The following PAPPA2 variants were observed in gnomAD, a reference collection of about 807,000 sequenced individuals.
PAPPA2 encodes pappalysin 2, also known as pappalysin-2.
In PAPPA2, 86 loss-of-function variants were observed where a neutral mutation model predicts 176.4. The observed-to-expected ratio is 0.49, with a 90% CI of 0.41 to 0.58. The LOEUF is 0.58. Among genes scored for constraint, PAPPA2 ranks in the 20% least tolerant of loss-of-function variants. The probability of loss-of-function intolerance (pLI) is 0.00; values close to 1 mark genes in which losing one functional copy is unlikely to be tolerated. For missense variants in PAPPA2, 2,073 were observed against 2,256.9 expected, an observed-to-expected ratio of 0.92 and a Z score of 1.65; for synonymous variants, 809 against 852.2, an observed-to-expected ratio of 0.95 and a Z score of 0.88.
intron 10 of PAPPA2, among the ~76,000 whole-genome samples, chr1:176,708,529 G>GGAGAGAGAGA (rs1177495946): frequency 1.4e-5 from 1 of 71,670 alleles, no homozygotes; most frequent in African/African-American, 4.4e-5. Flanking sequence ...ATACGTACAT[G>GGAGAGAGAGA]TAGAGAGAGA....
chr1:176,508,586 TAA>T (rs372014749), intron 1 of PAPPA2, among the ~76,000 whole-genome samples: 11,981 of 147,192 alleles, frequency 0.081, 583 homozygotes, highest in South Asian at 0.16. Flanking sequence ...GGAAAAAAAG[TAA>T]AAAAAAAAAT....
intron 3 of PAPPA2, among the ~76,000 whole-genome samples, chr1:176,665,276 C>T (rs1256446109): frequency 1.3e-5 from 2 of 152,100 alleles, no homozygotes; most frequent in Non-Finnish European, 2.9e-5. Context: ...GAAGGGTGTG[C>T]CTTTACAATT....
At chr1:176,716,736 C>T (rs1343514840) in intron 12 of PAPPA2, among the ~76,000 whole-genome samples, 3 of 151,580 alleles carry the variant, frequency 2.0e-5, no homozygotes, top group Non-Finnish European at 2.9e-5. Context: ...CTCAGCCTCC[C>T]GAGTAGCTGG....
chr1:176,602,752 A>T (rs185824099), intron 3 of PAPPA2, among the ~76,000 whole-genome samples: 4 of 152,284 alleles, frequency 2.6e-5, no homozygotes, highest in Non-Finnish European at 4.4e-5. Flanking sequence ...CAAAATTCAC[A>T]GGCAGTGTGA....
intron 3 of PAPPA2, among the ~76,000 whole-genome samples, chr1:176,667,248 AAAAAAAAAAG>A (rs1345038997): frequency 1.3e-5 from 2 of 150,120 alleles, no homozygotes; most frequent in African/African-American, 2.4e-5. Flanking sequence ...CTCGGTCTCA[AAAAAAAAAAG>A]AAAAAAAAAG....
intron 14 of PAPPA2, among the ~76,000 whole-genome samples, chr1:176,761,282 C>G (rs576980111): frequency 2.8e-4 from 42 of 152,120 alleles, no homozygotes; most frequent in Admixed American, 2.8e-3. Flanking sequence ...TGACTTAAAC[C>G]TCCCTTGTGA....
At chr1:176,480,965 C>T (rs1008190109) in intron 1 of PAPPA2, among the ~76,000 whole-genome samples, 5 of 152,104 alleles carry the variant, frequency 3.3e-5, no homozygotes, top group African/African-American at 1.2e-4. Context: ...ACTCCTCTCT[C>T]CTAGGCCTGC....
intron 3 of PAPPA2, among the ~76,000 whole-genome samples, chr1:176,640,427 G>A (rs1005323376): frequency 6.8e-6 from 1 of 146,172 alleles, no homozygotes; most frequent in Admixed American, 7.2e-5. Flanking sequence ...CCACCTATGA[G>A]TGAGAATATG....
At chr1:176,495,486 G>A (rs1647555275) in intron 1 of PAPPA2, among the ~76,000 whole-genome samples, 2 of 150,932 alleles carry the variant, frequency 1.3e-5, no homozygotes, top group South Asian at 4.2e-4. Context: ...GTTGCAGTGA[G>A]CGAAGATCAT....
At chr1:176,834,139 A>G (rs1362909890) in intron 21 of PAPPA2, among the ~76,000 whole-genome samples, 2 of 152,260 alleles carry the variant, frequency 1.3e-5, no homozygotes, top group African/African-American at 2.4e-5. Context: ...AGTAGCTGAG[A>G]CTACAAAGTT....
intron 14 of PAPPA2, among the ~76,000 whole-genome samples, chr1:176,756,547 G>A (rs545946781): frequency 6.6e-6 from 1 of 152,140 alleles, no homozygotes; most frequent in Non-Finnish European, 1.5e-5. Context: ...CAATTGAATT[G>A]CTTTTGTTCT....
chr1:176,713,431 G>T (rs1027680647), intron 12 of PAPPA2, among the ~76,000 whole-genome samples: 9 of 152,048 alleles, frequency 5.9e-5, no homozygotes, highest in Non-Finnish European at 1.3e-4. Flanking sequence ...TGAGCAAAGG[G>T]GATAATCAAA....
chr1:176,693,068 A>G (rs550788232), intron 6 of PAPPA2, among the ~76,000 whole-genome samples: 1 of 152,368 alleles, frequency 6.6e-6, no homozygotes, highest in South Asian at 2.1e-4. Context: ...AGAGAAAGGT[A>G]GGAAAATGAA....
At chr1:176,781,172 A>G (rs2102925353) in intron 17 of PAPPA2, among the ~76,000 whole-genome samples, 1 of 152,228 alleles carries the variant, frequency 6.6e-6, no homozygotes, top group South Asian at 2.1e-4. Flanking sequence ...ACTTGGGTTT[A>G]GGTGTTCAGA....
At chr1:176,534,635 GC>G (rs1380401402) in intron 1 of PAPPA2, among the ~76,000 whole-genome samples, 6 of 152,214 alleles carry the variant, frequency 3.9e-5, no homozygotes, top group Non-Finnish European at 8.8e-5. Flanking sequence ...ATCAACATGA[GC>G]TGTGGCTAGT....
chr1:176,709,992 G>T lies in PAPPA2; in HGVS notation c.3467G>T (p.Ser1156Ile). ...EEGFNCVGEPSLCYMYEGDGI... is the reference protein window; with the variant it reads ...EEGFNCVGEPILCYMYEGDGI... ...CAATATTTCTTGGCAGGAGAGCCAA[G>T]CCTTTGCTACATGTATGAGGGAGAT... The change falls in exon 11 of 23, where the codon AGC (serine) becomes ATC (isoleucine). Residue 1156 changes from serine (S) to isoleucine (I), a missense_variant. Around this residue, in one of 4 missense-constraint regions of PAPPA2, gnomAD observed 846 missense variants for 857.9 expected, o/e 0.99. Coordinates refer to ENST00000367662, the MANE Select transcript of PAPPA2 (RefSeq NM_020318.3). The T allele has an allele frequency of 6.2e-7, 1 of 1,602,390 alleles. No individual in the cohort carries two copies. The highest frequency in any genetic ancestry group is 8.5e-7 in the Non-Finnish European group (1 of 1,175,440).
chr1:176,703,896 A>G (rs1213145412), intron 9 of PAPPA2, among the ~76,000 whole-genome samples: 2 of 152,132 alleles, frequency 1.3e-5, no homozygotes, highest in African/African-American at 2.4e-5. Context: ...GATGCTTCAC[A>G]TTGCAGAGGA....
intron 21 of PAPPA2, among the ~76,000 whole-genome samples, chr1:176,824,160 G>A (rs1313231546): frequency 2.0e-5 from 3 of 152,198 alleles, no homozygotes; most frequent in Non-Finnish European, 4.4e-5. Context: ...AATAAGCTCA[G>A]TCAACAGTTT....
rs571988570 is a variant in PAPPA2 at position 176,600,827 on chromosome 1, C to G, written c.1991+5232C>G. On this transcript the variant is annotated intron_variant, in intron 3 of 22. Coordinates refer to ENST00000367662, the MANE Select transcript of PAPPA2 (RefSeq NM_020318.3). Reference sequence around the variant, plus strand: ...AGAGTCTTTCCACTCACAGTGGAAGCACCTTCGACTGTTGAGGGAGAGTAG... The same window carrying G: ...AGAGTCTTTCCACTCACAGTGGAAGGACCTTCGACTGTTGAGGGAGAGTAG... 4.2e-4 allele frequency among the ~76,000 whole-genome samples: 64 copies of G among 152,246 alleles called. 1 individual carries two copies. Among genetic ancestry groups the G allele is most frequent in the South Asian group, 1.9e-3 (9 of 4,820 alleles).
Sources: gnomAD v4.1 joint callset for allele counts (sites outside exome capture counted in the v4.1 genomes callset) on GRCh38, gnomAD v4.1.1 for gene constraint, gnomAD v4.1.1 regional missense constraint, MANE v1.5 for transcripts, NCBI Gene and HGNC (gene_info 2026-07-23, HGNC 2026-07-21) for gene names.